The following ARHGAP11A variants were observed in gnomAD, a reference collection of about 807,000 sequenced individuals.
The protein encoded by ARHGAP11A is rho GTPase-activating protein 11A.
In ARHGAP11A, 36 loss-of-function variants were observed where a neutral mutation model predicts 60.5. The ratio of observed to expected loss-of-function variants is 0.59; its 90% CI spans 0.46 to 0.79. The LOEUF (loss-of-function observed/expected upper bound fraction) is 0.79, where lower values mean the gene tolerates loss of function less well. Among genes scored for constraint, ARHGAP11A ranks in the 30% least tolerant of loss-of-function variants. The pLI is 0.00. For missense variants in ARHGAP11A, 1,071 were observed against 1,199.2 expected (o/e 0.89, Z 1.58); for synonymous variants, 362 against 415.5 (o/e 0.87, Z 1.57).
At chr15:32,633,900 A>G (rs745717594) in intron 9 of ARHGAP11A, 33 bp from the exon 10 acceptor site, 1 of 1,421,278 alleles carries the variant, frequency 7.0e-7, no homozygotes, top group Non-Finnish European at 9.7e-7. Context: ...TGTTTATACT[A>G]TAAACTGACA....
chr15:32,631,927 A>G (rs1040764988), intron 8 of ARHGAP11A, among the ~76,000 whole-genome samples: 3 of 152,188 alleles, frequency 2.0e-5, no homozygotes, highest in African/African-American at 7.2e-5. Context: ...CGCCCACCTC[A>G]GCCTCCCAAA....
Position 32,616,270 on chromosome 15 carries a change from G to A in ARHGAP11A, c.59G>A (p.Gly20Asp), listed in dbSNP as rs1463961280. The A allele has an allele frequency of 6.2e-7, 1 of 1,614,138 alleles. No homozygotes were observed. Among genetic ancestry groups the A allele is most frequent in the South Asian group, 1.1e-5 (1 of 91,084 alleles). Reference protein sequence around the residue: ...ALLQHLRAFYGIKVKGVRGQC... With the variant: ...ALLQHLRAFYDIKVKGVRGQC... ...TTGCAGCATCTGCGGGCCTTCTATG[G>A]TATTAAGGTGAAGGGTGTCCGTGGG... The change falls in exon 1 of 12, where the codon GGT (glycine) becomes GAT (aspartate). Residue 20 changes from glycine to aspartate, a missense_variant. By Grantham distance (94) the Gly-to-Asp change is moderately conservative. This residue lies in a region of ARHGAP11A where 28 missense variants were observed against 24.5 expected (regional missense o/e 1.14). Coordinates refer to ENST00000361627, the MANE Select transcript of ARHGAP11A (RefSeq NM_014783.6).
intron 1 of ARHGAP11A, among the ~76,000 whole-genome samples, chr15:32,619,438 T>A (rs1419890081): frequency 6.6e-6 from 1 of 152,242 alleles, no homozygotes; most frequent in Non-Finnish European, 1.5e-5. Flanking sequence ...ACTCTTGGGA[T>A]CTTCAGTGTA....
At chr15:32,616,415 C>CTAAAAT in intron 1 of ARHGAP11A, 75 bp downstream of exon 1, 2 of 1,595,670 alleles carry the variant, frequency 1.3e-6, no homozygotes, top group East Asian at 4.5e-5. Flanking sequence ...CCAGATCGTG[C>CTAAAAT]TAAAATGTTC....
intron 8 of ARHGAP11A, among the ~76,000 whole-genome samples, chr15:32,630,598 GT>G (rs1011310886): frequency 2.2e-4 from 33 of 151,968 alleles, no homozygotes; most frequent in African/African-American, 8.0e-4. Context: ...TTCAGACAAT[GT>G]TAAGTTTCAT....
At chr15:32,621,112 A>G (rs2053285154) in intron 2 of ARHGAP11A, among the ~76,000 whole-genome samples, 1 of 73,014 alleles carries the variant, frequency 1.4e-5, no homozygotes, top group Non-Finnish European at 2.8e-5. Context: ...AAGCTAAGAT[A>G]TTAGAGTGTT....
At chr15:32,618,906 G>T (rs929222784) in intron 1 of ARHGAP11A, among the ~76,000 whole-genome samples, 12 of 152,116 alleles carry the variant, frequency 7.9e-5, no homozygotes, top group African/African-American at 2.2e-4. Context: ...AGCCGAGATT[G>T]CGCCACTGCA....
chr15:32,631,451 A>G (rs928473082), intron 8 of ARHGAP11A, among the ~76,000 whole-genome samples: 7 of 152,034 alleles, frequency 4.6e-5, no homozygotes, highest in African/African-American at 1.7e-4. Flanking sequence ...GGCCACCACC[A>G]CACCTGGCTA....
At chr15:32,636,043 T>C (rs1264266552) in intron 11 of ARHGAP11A, 128 bp downstream of exon 11, 1 of 1,383,834 alleles carries the variant, frequency 7.2e-7, no homozygotes, top group African/African-American at 1.5e-5. Context: ...AGTGAAAATA[T>C]TAGAATTGGC....
rs77409359 is a variant in ARHGAP11A, at chr15:32,633,113, T to C, written c.1235+5T>C. On this transcript the variant is annotated splice_donor_5th_base_variant and intron_variant, in intron 9 of 11. Coordinates refer to ENST00000361627, the MANE Select transcript of ARHGAP11A (RefSeq NM_014783.6). ...TGCAGGCAAAAAAGTTTGCAGGTACTTTATCCAGGACATTTTGTTTTCATC... is the reference window on the plus strand; with the variant it reads ...TGCAGGCAAAAAAGTTTGCAGGTACCTTATCCAGGACATTTTGTTTTCATC... 1.2e-6 allele frequency: 2 copies of C among 1,613,930 alleles called. No individual in the cohort carries two copies. Among genetic ancestry groups the C allele is most frequent in the Non-Finnish European group, 1.7e-6 (2 of 1,179,906 alleles).
chr15:32,635,391 A>G (rs1214626673), intron 10 of ARHGAP11A, among the ~76,000 whole-genome samples: 2 of 152,120 alleles, frequency 1.3e-5, no homozygotes, highest in African/African-American at 2.4e-5. Flanking sequence ...ATGCAATATA[A>G]TTTACTGTTT....
At position 32,636,427 on chromosome 15, in the gene ARHGAP11A, C is replaced by T; in HGVS notation, c.1654C>T (p.Pro552Ser). Residue 552 changes from proline to serine, a missense_variant, in exon 12 of 12, where the codon CCT becomes TCT. Around this residue, in one of 4 missense-constraint regions of ARHGAP11A, gnomAD observed 776 missense variants for 760.2 expected, o/e 1.02. Coordinates refer to ENST00000361627, the MANE Select transcript of ARHGAP11A (RefSeq NM_014783.6). ...TCTTGAGGTAGAAAACTCTTTGGAGCCTGATATTATGGTAGAAAAGTCACC... is the reference window on the plus strand; with the variant it reads ...TCTTGAGGTAGAAAACTCTTTGGAGTCTGATATTATGGTAGAAAAGTCACC... ...ENLEVENSLE[P>S]DIMVEKSPAT... The T allele has an allele frequency of 6.2e-7, 1 of 1,613,964 alleles. No individual in the cohort carries two copies. The highest frequency in any genetic ancestry group is 1.1e-5 in the South Asian group (1 of 91,062).
chr15:32,634,103 A>G, intron 10 of ARHGAP11A, 62 bp downstream of exon 10: 1 of 1,125,784 alleles, frequency 8.9e-7, no homozygotes, highest in Non-Finnish European at 1.3e-6. Flanking sequence ...TTGATACTAA[A>G]AAACACTCAT....
chr15:32,616,897 G>A (rs904334144), intron 1 of ARHGAP11A, among the ~76,000 whole-genome samples: 6 of 152,190 alleles, frequency 3.9e-5, no homozygotes, highest in Non-Finnish European at 8.8e-5. Context: ...AATGATGACT[G>A]CATATTCACT....
At chr15:32,617,014 T>A (rs574972208) in intron 1 of ARHGAP11A, among the ~76,000 whole-genome samples, 25 of 152,216 alleles carry the variant, frequency 1.6e-4, no homozygotes, top group African/African-American at 5.8e-4. Context: ...TGAGAAGTTG[T>A]TGATGTTTTG....
upstream of ARHGAP11A, chr15:32,615,174 G>C (rs925787366): frequency 6.6e-6 from 1 of 152,090 alleles, no homozygotes; most frequent in African/African-American, 2.4e-5. Context: ...AGGGCCTTCA[G>C]CGACAGCCAA....
In ARHGAP11A at chr15:32,623,474, A is replaced by G; in HGVS notation, c.201-18A>G. 1.2e-6 allele frequency: 2 copies of G among 1,608,676 alleles called. No homozygotes were observed. Among genetic ancestry groups the G allele is most frequent in the Non-Finnish European group, 1.7e-6 (2 of 1,177,248 alleles). ...TGTGATATGTATGTCTAGCCACCTG[A>G]AAAAATCTCTCTTTCAGCTTTCTTG... is the stretch of plus-strand genomic sequence containing the variant. On this transcript the variant is annotated intron_variant, in intron 2 of 11. Coordinates refer to ENST00000361627, the MANE Select transcript of ARHGAP11A (RefSeq NM_014783.6).
intron 9 of ARHGAP11A, among the ~76,000 whole-genome samples, chr15:32,633,394 A>G (rs1319919904): frequency 2.0e-5 from 3 of 152,216 alleles, no homozygotes; most frequent in African/African-American, 7.2e-5. Context: ...TAATCCTAGC[A>G]CTTAGGGAGG....
At chr15:32,626,663 C>G (rs1238055027) in intron 6 of ARHGAP11A, among the ~76,000 whole-genome samples, 1 of 152,248 alleles carries the variant, frequency 6.6e-6, no homozygotes, top group Non-Finnish European at 1.5e-5. Context: ...AAATTTGTCT[C>G]ACCGTTCTGG....
Sources: allele counts gnomAD v4.1 joint callset (sites outside exome capture counted in the v4.1 genomes callset), GRCh38; gene constraint gnomAD v4.1.1; regional missense constraint gnomAD v4.1.1; transcripts MANE v1.5; gene names NCBI Gene and HGNC (gene_info 2026-07-23, HGNC 2026-07-21).